SNX8: variants seen among roughly 807,000 people sequenced by gnomAD.
The protein encoded by SNX8 is sorting nexin 8, also known as sorting nexin-8.
In SNX8, 25 loss-of-function variants were observed where a neutral mutation model predicts 51.6. The ratio of observed to expected loss-of-function variants is 0.48; its 90% confidence interval spans 0.35 to 0.68. The LOEUF is 0.68. Ranked by LOEUF, SNX8 falls within the 30% of genes least tolerant of loss-of-function variation. SNX8 has a pLI of 0.00. For synonymous variants in SNX8, 324 were observed against 277.0 expected (o/e 1.17, Z -1.68); for missense variants, 695 against 624.0 (o/e 1.11, Z -1.21).
At chr7:2,256,053 C>T (rs1795170180) in intron 10 of SNX8, among the ~76,000 whole-genome samples, 1 of 152,222 alleles carries the variant, frequency 6.6e-6, no homozygotes, top group Admixed American at 6.5e-5. Context: ...CTCCGGGCGC[C>T]TGTTGGTCCC....
In SNX8 at chr7:2,256,874, C is replaced by A; in HGVS notation, c.1284G>T (p.Glu428Asp). 6.2e-7 allele frequency: 1 copy of A among 1,610,492 alleles called. No individual in the cohort carries two copies. The highest frequency in any genetic ancestry group is 8.5e-7 in the Non-Finnish European group (1 of 1,178,036). The stretch of plus-strand genomic sequence containing the variant: ...GGCGGCCGGAGCAGGGCGGACTCAC[C>A]TCCTTGTGCCCTTGGATCTGAGAGT... ...FVNSQIQGHK[E>D]MSKVWNDLRP... Residue 428 changes from glutamate to aspartate, a missense_variant and splice_region_variant, in exon 10 of 11, where the codon GAG becomes GAT. Physicochemically the swap from Glu to Asp is conservative, Grantham distance 45 (BLOSUM62 2). Transcript: ENST00000222990.
chr7:2,281,854 C>A (rs556160044), intron 1 of SNX8, among the ~76,000 whole-genome samples: 1 of 152,172 alleles, frequency 6.6e-6, no homozygotes, highest in Non-Finnish European at 1.5e-5. Flanking sequence ...GATGCCCTCA[C>A]CCCTGGGCCT....
Position 2,252,610 on chromosome 7 carries a change from C to A in SNX8, c.*2446G>T, listed in dbSNP as rs1244486157. The A allele has an allele frequency of 6.5e-6, 1 of 152,782 alleles. No homozygotes were observed. The highest frequency in any genetic ancestry group is 1.5e-5 in the Non-Finnish European group (1 of 68,562). The allele number at this position is 152,782 out of a possible 1,614,324, so 9.5% of individuals were successfully genotyped here. ...CGTGGGAGACAGGCTGCCCTCGTCA[C>A]CGCTGCCCTCCAGCCCCCCCTTCAC... On this transcript the variant is annotated 3_prime_UTR_variant, in exon 11 of 11. Coordinates refer to ENST00000222990, the MANE Select transcript of SNX8 (RefSeq NM_013321.4).
intron 6 of SNX8, 107 bp downstream of exon 6, chr7:2,264,191 T>A (rs1187961045): frequency 8.1e-6 from 9 of 1,104,332 alleles, no homozygotes; most frequent in Non-Finnish European, 1.2e-5. Context: ...ATGAAACAGG[T>A]CAGGATGCTG....
At chr7:2,346,457 AG>A (rs1779028121) in intron 1 of SNX8, among the ~76,000 whole-genome samples, 3 of 151,264 alleles carry the variant, frequency 2.0e-5, no homozygotes, top group South Asian at 4.2e-4. Context: ...GAAAAAAAAA[AG>A]GTGAGGCAGC....
chr7:2,345,301 G>A (rs945344628), intron 1 of SNX8, among the ~76,000 whole-genome samples: 1 of 152,148 alleles, frequency 6.6e-6, no homozygotes, highest in Non-Finnish European at 1.5e-5. Flanking sequence ...CATCATTGTG[G>A]GTGAAGAAAA....
chr7:2,338,186 G>C (rs960636992), intron 1 of SNX8, among the ~76,000 whole-genome samples: 2 of 152,094 alleles, frequency 1.3e-5, no homozygotes, highest in African/African-American at 4.8e-5. Flanking sequence ...AAATTGGCCA[G>C]GCGCGGTGGC....
At chr7:2,325,872 G>A (rs1052968988) in intron 1 of SNX8, among the ~76,000 whole-genome samples, 1 of 151,950 alleles carries the variant, frequency 6.6e-6, no homozygotes, top group African/African-American at 2.4e-5. Flanking sequence ...AATAAAAGAA[G>A]GTAACAGGAA....
chr7:2,340,613 T>C (rs1207817407), intron 1 of SNX8, among the ~76,000 whole-genome samples: 2 of 150,952 alleles, frequency 1.3e-5, no homozygotes, highest in African/African-American at 4.9e-5. Context: ...TCCCAGTACT[T>C]TGGGAGGCTG....
chr7:2,297,577 A>AAAAAAAAC (rs55780729), intron 1 of SNX8, among the ~76,000 whole-genome samples: 1 of 148,202 alleles, frequency 6.7e-6, no homozygotes, highest in Non-Finnish European at 1.5e-5. Context: ...AAAAAAAAAA[A>AAAAAAAAC]TACCTGCACA....
intron 2 of SNX8, among the ~76,000 whole-genome samples, chr7:2,277,880 G>A (rs1046192093): frequency 4.6e-5 from 7 of 152,190 alleles, no homozygotes; most frequent in Non-Finnish European, 8.8e-5. Flanking sequence ...GGGTGACCAG[G>A]TGGGGACGTG....
At chr7:2,302,057 A>G (rs1371025270) in intron 1 of SNX8, among the ~76,000 whole-genome samples, 1 of 151,894 alleles carries the variant, frequency 6.6e-6, no homozygotes, top group Non-Finnish European at 1.5e-5. Flanking sequence ...CCTGGCTAAC[A>G]CGGTGAAACT....
At chr7:2,336,457 C>G (rs1554269630) in intron 1 of SNX8, among the ~76,000 whole-genome samples, 1 of 152,066 alleles carries the variant, frequency 6.6e-6, no homozygotes, top group Non-Finnish European at 1.5e-5. Flanking sequence ...ACCTGTAATC[C>G]TAGCACTTTG....
intron 1 of SNX8, among the ~76,000 whole-genome samples, chr7:2,281,987 G>A (rs1468872437): frequency 2.0e-5 from 3 of 152,074 alleles, no homozygotes; most frequent in African/African-American, 2.4e-5. Context: ...GACCCAACCC[G>A]GAACCTGGAC....
chr7:2,259,288 C>G (rs1416047583), intron 7 of SNX8, among the ~76,000 whole-genome samples: 1 of 152,196 alleles, frequency 6.6e-6, no homozygotes, highest in Non-Finnish European at 1.5e-5. Context: ...ACACTGACGC[C>G]TTCAGTCACA....
chr7:2,324,293 C>CTTTTT (rs370841279), intron 1 of SNX8, among the ~76,000 whole-genome samples: 1 of 137,482 alleles, frequency 7.3e-6, no homozygotes, highest in Non-Finnish European at 1.6e-5. Flanking sequence ...TTCTTTCTTT[C>CTTTTT]TTTTTTTTTT....
chr7:2,350,728 C>T (rs945224597), intron 1 of SNX8, among the ~76,000 whole-genome samples: 63 of 152,114 alleles, frequency 4.1e-4, no homozygotes, highest in African/African-American at 1.5e-3. Context: ...CTCACTGCAG[C>T]CTCTGCCTCC....
intron 3 of SNX8, among the ~76,000 whole-genome samples, chr7:2,272,361 AC>A (rs931981086): frequency 6.7e-6 from 1 of 148,756 alleles, no homozygotes; most frequent in South Asian, 2.1e-4. Context: ...CACTAACGCA[AC>A]CCAGGTCTTC....
chr7:2,334,697 C>T (rs904183127), intron 1 of SNX8, among the ~76,000 whole-genome samples: 7 of 151,438 alleles, frequency 4.6e-5, no homozygotes, highest in Middle Eastern at 6.8e-3. Context: ...GAGACTCGGT[C>T]TCAAAAAACA....
Sources: gnomAD v4.1 joint callset for allele counts (sites outside exome capture counted in the v4.1 genomes callset) on GRCh38, gnomAD v4.1.1 for gene constraint, MANE v1.5 for transcripts, NCBI Gene and HGNC (gene_info 2026-07-23, HGNC 2026-07-21) for gene names.